NEMP2: variants seen among roughly 807,000 people sequenced by gnomAD.
NEMP2 encodes the protein nuclear envelope integral membrane protein 2, also known as UPF0571 transmembrane protein.
In NEMP2, 53 loss-of-function variants were observed where a neutral mutation model predicts 54.2. The ratio of observed to expected loss-of-function variants is 0.98; its 90% confidence interval spans 0.78 to 1.23. The LOEUF is 1.23. NEMP2 is among the 50% of genes most tolerant of loss of function. NEMP2 has a pLI of 0.00. For missense variants in NEMP2, 455 were observed against 511.3 expected, an observed-to-expected ratio of 0.89 and a Z score of 1.06; for synonymous variants, 197 against 190.3, an observed-to-expected ratio of 1.04 and a Z score of -0.29.
chr2:190,467,081 A>G, the NEMP2 span, among the ~76,000 whole-genome samples: 9 of 152,216 alleles, frequency 5.9e-5, no homozygotes, highest in Non-Finnish European at 1.2e-4. The surrounding 1 kb of genome is among the most constrained non-coding windows in gnomAD (Gnocchi z 5.5). Context: ...AGGATAGACA[A>G]TTTGTGAACA....
the NEMP2 span, among the ~76,000 whole-genome samples, chr2:190,619,212 C>A: frequency 2.6e-5 from 4 of 151,808 alleles, no homozygotes; most frequent in Non-Finnish European, 5.9e-5. The surrounding 1 kb of genome is among the most constrained non-coding windows in gnomAD (Gnocchi z 5.5). Flanking sequence ...GATTTCGTGT[C>A]TACTAAAAAT....
At chr2:190,535,165 C>T (rs901533140), upstream of NEMP2, 2 of 152,776 alleles carry the variant, frequency 1.3e-5, no homozygotes, top group Non-Finnish European at 2.9e-5. Flanking sequence ...GGCAAACGCC[C>T]TTTTTGTGAA....
At chr2:190,534,509 C>A in intron 1 of NEMP2, 50 bp downstream of exon 1, 1 of 1,353,670 alleles carries the variant, frequency 7.4e-7, no homozygotes, top group Non-Finnish European at 9.5e-7. Context: ...AGCCGCGAAG[C>A]CGGGGAGCGA....
the NEMP2 span, among the ~76,000 whole-genome samples, chr2:190,542,682 T>C: frequency 2.6e-5 from 4 of 152,206 alleles, no homozygotes; most frequent in Non-Finnish European, 5.9e-5. This position sits in a 1 kb window ranked among gnomAD's most constrained non-coding sequence, Gnocchi z 4.6. Flanking sequence ...CACTAATGAA[T>C]TTTTCAGTTT....
chr2:190,635,612 A>G, the NEMP2 span, among the ~76,000 whole-genome samples: 1 of 152,208 alleles, frequency 6.6e-6, no homozygotes, highest in African/African-American at 2.4e-5. The surrounding 1 kb of genome is among the most constrained non-coding windows in gnomAD (Gnocchi z 4.1). Context: ...TCAGAGCTAT[A>G]TTCATTGAAT....
rs755687376 is a variant in NEMP2 at position 190,508,233 on chromosome 2, C to T, written c.*956G>A. 5.3e-5 allele frequency: 8 copies of T among 152,120 alleles called. No individual in the cohort carries two copies. The highest frequency in any genetic ancestry group is 9.7e-5 in the African/African-American group (4 of 41,424). 9.4% of individuals were successfully genotyped at this position (152,120 alleles called of 1,614,324 possible). On this transcript the variant is annotated 3_prime_UTR_variant, in exon 9 of 9. Coordinates refer to ENST00000409150, the MANE Select transcript of NEMP2 (RefSeq NM_001142645.2). The surrounding 1 kb of genome is among the most constrained non-coding windows in gnomAD (Gnocchi z 4.3). ...CTTACGTATGTATATAAAAATCTTA[C>T]GTATGTATAAAAAACTTTAAAATGT... is the stretch of plus-strand genomic sequence containing the variant.
the NEMP2 span, among the ~76,000 whole-genome samples, chr2:190,564,188 G>A: frequency 6.6e-6 from 1 of 152,220 alleles, no homozygotes; most frequent in Non-Finnish European, 1.5e-5. The surrounding 1 kb of genome is among the most constrained non-coding windows in gnomAD (Gnocchi z 4.2). Context: ...GGAAATATGT[G>A]TATAATAGTG....
chr2:190,637,554 G>A, the NEMP2 span, among the ~76,000 whole-genome samples: 1 of 152,168 alleles, frequency 6.6e-6, no homozygotes, highest in Non-Finnish European at 1.5e-5. The surrounding 1 kb of genome is among the most constrained non-coding windows in gnomAD (Gnocchi z 4.5). Flanking sequence ...CTAAGTTACT[G>A]CTCATGTTTA....
chr2:190,612,853 G>T, the NEMP2 span, among the ~76,000 whole-genome samples: 1 of 151,816 alleles, frequency 6.6e-6, no homozygotes, highest in Non-Finnish European at 1.5e-5. Context: ...CTTTGAATTA[G>T]ACAAAAATTA....
the NEMP2 span, chr2:190,609,146 GA>G: frequency 6.6e-6 from 1 of 152,164 alleles, no homozygotes; most frequent in Non-Finnish European, 1.5e-5. The surrounding 1 kb of genome is among the most constrained non-coding windows in gnomAD (Gnocchi z 4.7). Flanking sequence ...AGAAGGCCTG[GA>G]AATTATTGCC....
At chr2:190,584,102 G>A in the NEMP2 span, among the ~76,000 whole-genome samples, 1 of 152,116 alleles carries the variant, frequency 6.6e-6, no homozygotes, top group Non-Finnish European at 1.5e-5. This position sits in a 1 kb window ranked among gnomAD's most constrained non-coding sequence, Gnocchi z 4.2. Context: ...CTTGTTAAAA[G>A]TGCAACTTTG....
At chr2:190,630,976 A>G in the NEMP2 span, among the ~76,000 whole-genome samples, 3 of 151,920 alleles carry the variant, frequency 2.0e-5, no homozygotes, top group South Asian at 6.2e-4. The surrounding 1 kb of genome is among the most constrained non-coding windows in gnomAD (Gnocchi z 5.5). Flanking sequence ...CAGCCTGGCC[A>G]ACATAGTGAG....
At chr2:190,617,324 A>AT in the NEMP2 span, among the ~76,000 whole-genome samples, 33,778 of 151,824 alleles carry the variant, frequency 0.22, 4,755 homozygotes, top group South Asian at 0.35. The surrounding 1 kb of genome is among the most constrained non-coding windows in gnomAD (Gnocchi z 5.0). Flanking sequence ...AGGCTGAGTG[A>AT]TTTTTTTTCT....
At chr2:190,467,264 G>C in the NEMP2 span, among the ~76,000 whole-genome samples, 1 of 152,190 alleles carries the variant, frequency 6.6e-6, no homozygotes, top group Non-Finnish European at 1.5e-5. The surrounding 1 kb of genome is among the most constrained non-coding windows in gnomAD (Gnocchi z 5.5). Context: ...ATTGAGATAG[G>C]TGTGGGCCTC....
chr2:190,432,217 AGAG>A, the NEMP2 span, among the ~76,000 whole-genome samples: 3 of 152,222 alleles, frequency 2.0e-5, no homozygotes. Context: ...CAGATTTTCT[AGAG>A]AAGAGGCTTT....
At chr2:190,548,347 AT>A in the NEMP2 span, among the ~76,000 whole-genome samples, 7 of 152,284 alleles carry the variant, frequency 4.6e-5, no homozygotes, top group Admixed American at 3.3e-4. Context: ...GCCAAGGAAA[AT>A]TTTATACCCT....
the NEMP2 span, among the ~76,000 whole-genome samples, chr2:190,566,779 A>T: frequency 6.6e-6 from 1 of 152,050 alleles, no homozygotes. Context: ...AGAAAGATTC[A>T]GAAGTCACTC....
At chr2:190,429,688 G>T in the NEMP2 span, among the ~76,000 whole-genome samples, 1 of 151,806 alleles carries the variant, frequency 6.6e-6, no homozygotes, top group South Asian at 2.1e-4. Context: ...GTCTTATTTA[G>T]TAAATATTTT....
At chr2:190,553,759 A>G in the NEMP2 span, among the ~76,000 whole-genome samples, 1 of 151,856 alleles carries the variant, frequency 6.6e-6, no homozygotes, top group Admixed American at 6.6e-5. Context: ...TCAAACATTT[A>G]CTCCTGAGTG....
Sources: gnomAD v4.1 joint callset for allele counts (sites outside exome capture counted in the v4.1 genomes callset) on GRCh38, gnomAD v4.1.1 for gene constraint, Gnocchi (gnomAD v3.1) non-coding constraint, MANE v1.5 for transcripts, NCBI Gene and HGNC (gene_info 2026-07-23, HGNC 2026-07-21) for gene names.